Variants in AKAP7 observed in about 807,000 individuals in gnomAD.
AKAP7 encodes A kinase (PRKA) anchor protein 7.
A neutral mutation model predicts 39.5 loss-of-function variants in AKAP7; 39 were observed. The ratio of observed to expected loss-of-function variants is 0.99; its 90% CI spans 0.76 to 1.29. The LOEUF (loss-of-function observed/expected upper bound fraction) is 1.29, where lower values mean the gene tolerates loss of function less well. AKAP7 is among the 50% of genes most tolerant of loss of function. The probability of loss-of-function intolerance (pLI) is 0.00; values close to 1 mark genes in which losing one functional copy is unlikely to be tolerated. For synonymous variants in AKAP7, 140 were observed against 139.1 expected, an observed-to-expected ratio of 1.01 and a Z score of -0.05; for missense variants, 414 against 407.7, an observed-to-expected ratio of 1.02 and a Z score of -0.13.
At chr6:131,174,704 TCTAA>T (rs1804408597) in intron 5 of AKAP7, among the ~76,000 whole-genome samples, 2 of 152,390 alleles carry the variant, frequency 1.3e-5, no homozygotes, top group South Asian at 2.1e-4. Flanking sequence ...AATGATATAT[TCTAA>T]CTCTCAGAAG....
chr6:131,147,515 A>G (rs1208133650), intron 2 of AKAP7, among the ~76,000 whole-genome samples: 1 of 152,262 alleles, frequency 6.6e-6, no homozygotes, highest in Non-Finnish European at 1.5e-5. Context: ...CCTTCACTGA[A>G]GAATTTTCAT....
intron 5 of AKAP7, among the ~76,000 whole-genome samples, chr6:131,186,357 T>C (rs1805858608): frequency 6.6e-6 from 1 of 152,210 alleles, no homozygotes. Context: ...GCTGGCATTA[T>C]GCTTCCTGTA....
Position 131,160,192 on chromosome 6 carries a change from C to T in AKAP7, c.285C>T (p.Asn95=). Residue 95 remains asparagine (N), a synonymous_variant, in exon 3 of 8, where the codon AAC becomes AAT. Transcript: ENST00000431975. ...ATTTCCTGTCCATTCCAATCACCAA[C>T]AAAGAGGTGCTATTTTTAAAAAGTT... ...PNYFLSIPIT[N]KEIIKGIKIL... is the part of the protein sequence containing the mutation. 6.3e-7 allele frequency: 1 copy of T among 1,596,762 alleles called. No individual in the cohort carries two copies. Among genetic ancestry groups the T allele is most frequent in the South Asian group, 1.1e-5 (1 of 86,972 alleles).
At chr6:131,208,179 A>G (rs987136803) in intron 6 of AKAP7, among the ~76,000 whole-genome samples, 4 of 152,242 alleles carry the variant, frequency 2.6e-5, no homozygotes, top group Non-Finnish European at 5.9e-5. Context: ...CACTATTTAT[A>G]ACAAGTGCCT....
In AKAP7 at chr6:131,176,285, G is replaced by GT. The variant is rs568182504; in HGVS notation, c.589+7024dup. On this transcript the variant is annotated intron_variant, in intron 5 of 7. Coordinates refer to ENST00000431975, the MANE Select transcript of AKAP7 (RefSeq NM_016377.4). The stretch of plus-strand genomic sequence containing the variant: ...AGCTTGACCTTGAGTGATCCTGTGT[G>GT]TTTTTTTTTTTTCCAGAATAAAACA... Among the ~76,000 whole-genome samples, 613 of 143,168 alleles carry GT rather than the reference G, an allele frequency of 4.3e-3. 5 individuals are homozygous for GT. Among genetic ancestry groups the GT allele is most frequent in the East Asian group, 5.3e-3 (26 of 4,890 alleles). The allele number at this position is 143,168 out of a possible 152,430, so 93.9% of individuals were successfully genotyped here.
upstream of AKAP7, among the ~76,000 whole-genome samples, chr6:131,132,311 T>A (rs1431464403): frequency 2.0e-5 from 1 of 51,062 alleles, no homozygotes; most frequent in Non-Finnish European, 4.6e-5. Context: ...AGATTCCGTC[T>A]CAGAAAAAAA....
intron 7 of AKAP7, among the ~76,000 whole-genome samples, chr6:131,276,509 A>C (rs1167430982): frequency 6.6e-6 from 1 of 152,064 alleles, no homozygotes; most frequent in East Asian, 1.9e-4. Flanking sequence ...ATCTATATTT[A>C]GTGCTTCTTT....
At chr6:131,207,839 CAA>C in intron 6 of AKAP7, among the ~76,000 whole-genome samples, 1 of 152,110 alleles carries the variant, frequency 6.6e-6, no homozygotes, top group Non-Finnish European at 1.5e-5. Context: ...CTTCATCCCA[CAA>C]AGAGGGCATT....
intron 7 of AKAP7, among the ~76,000 whole-genome samples, chr6:131,224,574 A>G (rs1809984483): frequency 6.6e-6 from 1 of 151,808 alleles, no homozygotes; most frequent in Non-Finnish European, 1.5e-5. Flanking sequence ...TTAGATTTGC[A>G]TATTTCCTAT....
At chr6:131,161,799 A>C (rs1270626387) in intron 3 of AKAP7, among the ~76,000 whole-genome samples, 1 of 152,094 alleles carries the variant, frequency 6.6e-6, no homozygotes, top group Non-Finnish European at 1.5e-5. Flanking sequence ...ATTTAGGATC[A>C]CGTATACCTG....
chr6:131,169,186 T>G lies in AKAP7; in HGVS notation c.502T>G (p.Phe168Val). Residue 168 changes from phenylalanine to valine, a missense_variant, in exon 5 of 8, where the codon TTT (phenylalanine) becomes GTT (valine). Transcript: ENST00000431975. ...CCAGGGAAAACATTTGACTTTGCCCTTTCAAGGGATTGGTACTTTTGGAAA... is the reference window on the plus strand; with the variant it reads ...CCAGGGAAAACATTTGACTTTGCCCGTTCAAGGGATTGGTACTTTTGGAAA... ...LLQGKHLTLP[F>V]QGIGTFGNQV... 2 of 1,614,090 alleles carry G rather than the reference T, an allele frequency of 1.2e-6. No homozygotes were observed. The highest frequency in any genetic ancestry group is 1.7e-6 in the Non-Finnish European group (2 of 1,179,976).
At chr6:131,142,120 T>C (rs1801095388) in intron 1 of AKAP7, among the ~76,000 whole-genome samples, 1 of 152,000 alleles carries the variant, frequency 6.6e-6, no homozygotes, top group African/African-American at 2.4e-5. Context: ...CTTAGGCTTG[T>C]GGTAAAGAAG....
At chr6:131,259,805 A>C (rs1813158434) in intron 7 of AKAP7, among the ~76,000 whole-genome samples, 1 of 151,996 alleles carries the variant, frequency 6.6e-6, no homozygotes, top group Non-Finnish European at 1.5e-5. Flanking sequence ...ATTTTTTTAA[A>C]TTTTATTTTA....
At chr6:131,247,246 ATAGT>A (rs1401778330) in intron 7 of AKAP7, among the ~76,000 whole-genome samples, 1 of 137,006 alleles carries the variant, frequency 7.3e-6, no homozygotes, top group Non-Finnish European at 1.5e-5. Flanking sequence ...GAATATCTTG[ATAGT>A]TAATGACACA....
intron 5 of AKAP7, among the ~76,000 whole-genome samples, chr6:131,177,468 C>T (rs138191365): frequency 6.9e-4 from 105 of 152,214 alleles, no homozygotes; most frequent in African/African-American, 2.4e-3. Flanking sequence ...TTTATGAGAG[C>T]GTACTCTTTA....
Position 131,281,522 on chromosome 6 carries a change from G to C in AKAP7, c.851-8G>C. The C allele has an allele frequency of 6.3e-7, 1 of 1,598,398 alleles. No individual in the cohort carries two copies. The highest frequency in any genetic ancestry group is 8.5e-7 in the Non-Finnish European group (1 of 1,172,334). The stretch of plus-strand genomic sequence containing the variant: ...TCAGTGACCTCTCTTCTCTATTGTG[G>C]AATGTAGGTGAAAAGAACGGAGGGG... On this transcript the variant is annotated splice_region_variant and splice_polypyrimidine_tract_variant and intron_variant, in intron 7 of 7. Coordinates refer to ENST00000431975, the MANE Select transcript of AKAP7 (RefSeq NM_016377.4). This position sits in a 1 kb window ranked among gnomAD's most constrained non-coding sequence, Gnocchi z 4.0.
At chr6:131,246,287 T>C (rs145798717) in intron 7 of AKAP7, among the ~76,000 whole-genome samples, 92 of 152,236 alleles carry the variant, frequency 6.0e-4, no homozygotes, top group Non-Finnish European at 1.1e-3. Context: ...TTGCTGCCAT[T>C]TTAAACAATT....
intron 7 of AKAP7, among the ~76,000 whole-genome samples, chr6:131,251,245 T>G (rs1329022304): frequency 2.0e-5 from 3 of 152,218 alleles, no homozygotes; most frequent in Non-Finnish European, 4.4e-5. Flanking sequence ...GTGGTGACAT[T>G]TGCACTGAAT....
intron 1 of AKAP7, among the ~76,000 whole-genome samples, chr6:131,143,435 G>C (rs566613028): frequency 5.9e-5 from 9 of 152,128 alleles, no homozygotes; most frequent in Admixed American, 5.2e-4. Flanking sequence ...TTTTCTTGAC[G>C]TGTGACATGT....
Sources: gnomAD v4.1 joint callset for allele counts (sites outside exome capture counted in the v4.1 genomes callset) on GRCh38, gnomAD v4.1.1 for gene constraint, Gnocchi (gnomAD v3.1) non-coding constraint, MANE v1.5 for transcripts, NCBI Gene and HGNC (gene_info 2026-07-23, HGNC 2026-07-21) for gene names.